FOXP2: variants seen among roughly 807,000 people sequenced by gnomAD.
FOXP2 encodes forkhead box protein P2.
A neutral mutation model predicts 115.8 loss-of-function variants in FOXP2; 12 were observed. That is an observed-to-expected ratio of 0.10 (90% CI 0.07 to 0.17). The LOEUF (loss-of-function observed/expected upper bound fraction) is 0.17. FOXP2 is among the 10% of genes least tolerant of loss of function. The probability of loss-of-function intolerance (pLI) is 1.00; values close to 1 mark genes in which losing one functional copy is unlikely to be tolerated. For synonymous variants in FOXP2, 328 were observed against 297.7 expected (o/e 1.10, Z -1.05); for missense variants, 629 against 843.5 (o/e 0.75, Z 3.15).
chr7:114,275,082 C>A (rs1413395934), intron 1 of FOXP2, among the ~76,000 whole-genome samples: 2 of 151,024 alleles, frequency 1.3e-5, no homozygotes, highest in Admixed American at 6.6e-5. Flanking sequence ...TTTTTCAGGA[C>A]TTTTTTTTTC....
At chr7:114,281,191 T>C (rs1584604641) in intron 1 of FOXP2, among the ~76,000 whole-genome samples, 1 of 126,886 alleles carries the variant, frequency 7.9e-6, no homozygotes, top group African/African-American at 2.9e-5. Flanking sequence ...AACCTCCCCC[T>C]CCCGGGTTTA....
intron 2 of FOXP2, among the ~76,000 whole-genome samples, chr7:114,446,712 C>A (rs988232819): frequency 2.0e-5 from 3 of 151,444 alleles, no homozygotes; most frequent in African/African-American, 7.3e-5. Flanking sequence ...TCATATCCCC[C>A]GCAATGTTTT....
At chr7:114,106,519 T>C (rs1400552060) in intron 1 of FOXP2, among the ~76,000 whole-genome samples, 2 of 151,960 alleles carry the variant, frequency 1.3e-5, no homozygotes, top group African/African-American at 4.8e-5. Context: ...GAAAGGGAAA[T>C]AGCAATTTAC....
intron 1 of FOXP2, among the ~76,000 whole-genome samples, chr7:114,104,077 G>C (rs116943622): frequency 0.011 from 1,678 of 151,808 alleles, 86 homozygotes; most frequent in Admixed American, 0.086. Flanking sequence ...CGTAGGTCTA[G>C]GTGGTTGCCA....
At chr7:114,453,878 T>C (rs1795173633) in intron 2 of FOXP2, among the ~76,000 whole-genome samples, 1 of 152,020 alleles carries the variant, frequency 6.6e-6, no homozygotes, top group Non-Finnish European at 1.5e-5. Context: ...CAAGATGGAT[T>C]AAAGATTTAA....
In FOXP2 at chr7:114,551,335, T is replaced by C. The variant is rs1053940371; in HGVS notation, c.258+16629T>C. Among the ~76,000 whole-genome samples the C allele has an allele frequency of 3.3e-5, 5 of 152,178 alleles. No homozygotes were observed. In the South Asian group the frequency reaches 1.0e-3, roughly 32 times the overall value. On this transcript the variant is annotated intron_variant, in intron 3 of 16. Transcript: ENST00000350908. ...TCAGGGAGTTGACAATCTGGCTAGA[T>C]AAAAATTCAGAATAATAACCATTCT... is the stretch of plus-strand genomic sequence containing the variant.
At chr7:114,514,228 G>A (rs1378471609) in intron 2 of FOXP2, among the ~76,000 whole-genome samples, 2 of 151,778 alleles carry the variant, frequency 1.3e-5, no homozygotes, top group Non-Finnish European at 2.9e-5. Context: ...GAATTAATAT[G>A]TATTTTACCT....
chr7:114,349,072 T>C (rs1402013565), intron 2 of FOXP2, among the ~76,000 whole-genome samples: 2 of 152,126 alleles, frequency 1.3e-5, no homozygotes, highest in Non-Finnish European at 2.9e-5. Flanking sequence ...AAGATACTAT[T>C]GTAGAGGCAG....
rs58729874 is a variant in FOXP2, at chr7:114,549,788, T to TA, written c.258+15091dup. On this transcript the variant is annotated intron_variant, in intron 3 of 16. Coordinates refer to ENST00000350908, the MANE Select transcript of FOXP2 (RefSeq NM_014491.4). ...TGCCATTGGATTTTGTCTTTCAAAT[T>TA]AAAAAAAAATAGTATAATAAACCTT... 3.6e-3 allele frequency among the ~76,000 whole-genome samples: 537 copies of TA among 151,232 alleles called. 6 individuals are homozygous for TA. Among genetic ancestry groups the TA allele is most frequent in the African/African-American group, 0.012 (486 of 41,276 alleles).
intron 1 of FOXP2, among the ~76,000 whole-genome samples, chr7:114,130,544 A>G (rs2129145164): frequency 6.6e-6 from 1 of 152,350 alleles, no homozygotes; most frequent in South Asian, 2.1e-4. Context: ...AAATGAAACA[A>G]AATTCCTAGT....
In FOXP2 at chr7:114,663,411, T is replaced by C. The variant is rs780752306; in HGVS notation, c.1770-39T>C. 8.6e-6 allele frequency: 12 copies of C among 1,394,866 alleles called. No homozygotes were observed. In the South Asian group the frequency reaches 1.2e-4, roughly 13 times the overall value. The allele number at this position is 1,394,866 out of a possible 1,614,324, so 86.4% of individuals were successfully genotyped here. On this transcript the variant is annotated intron_variant, in intron 14 of 16. Coordinates refer to ENST00000350908, the MANE Select transcript of FOXP2 (RefSeq NM_014491.4). ...GACTATTGATATCCACGTTTTATAT[T>C]TTGACGTATAAATGATCTTTATATA...
intron 1 of FOXP2, among the ~76,000 whole-genome samples, chr7:114,417,005 G>A (rs1257619207): frequency 1.3e-5 from 2 of 151,850 alleles, no homozygotes; most frequent in African/African-American, 2.4e-5. Flanking sequence ...TGTAAAAGGT[G>A]GATAGATAAT....
intron 10 of FOXP2, among the ~76,000 whole-genome samples, chr7:114,657,172 T>C (rs760796604): frequency 3.9e-5 from 6 of 152,156 alleles, no homozygotes; most frequent in Non-Finnish European, 5.9e-5. Flanking sequence ...AGATGTGTGG[T>C]AAATATGACA....
chr7:114,092,689 C>A (rs969792614), intron 1 of FOXP2, among the ~76,000 whole-genome samples: 3 of 151,986 alleles, frequency 2.0e-5, no homozygotes, highest in Non-Finnish European at 4.4e-5. Context: ...TGTAGACTGT[C>A]ATAAAATCAT....
At chr7:114,328,182 G>T (rs1237101956) in intron 2 of FOXP2, among the ~76,000 whole-genome samples, 1 of 150,642 alleles carries the variant, frequency 6.6e-6, no homozygotes, top group Non-Finnish European at 1.5e-5. Context: ...GCCTCCCAAA[G>T]TGCTGAGATT....
At chr7:114,570,334 G>T (rs546158830) in intron 3 of FOXP2, among the ~76,000 whole-genome samples, 1 of 151,780 alleles carries the variant, frequency 6.6e-6, no homozygotes, top group Non-Finnish European at 1.5e-5. Flanking sequence ...TATTGTGATT[G>T]TTCTCACATG....
intron 1 of FOXP2, among the ~76,000 whole-genome samples, chr7:114,257,644 AG>A (rs1398663559): frequency 2.6e-5 from 4 of 151,798 alleles, no homozygotes; most frequent in Non-Finnish European, 4.4e-5. Flanking sequence ...TAGTAGAGAC[AG>A]GGTTTCACTG....
intron 1 of FOXP2, among the ~76,000 whole-genome samples, chr7:114,188,232 A>G (rs1344330301): frequency 2.0e-5 from 3 of 152,224 alleles, no homozygotes; most frequent in South Asian, 4.1e-4. Context: ...TATTTGGAAT[A>G]AAATACGAAC....
At chr7:114,687,977 G>GAC (rs1385589761) in intron 16 of FOXP2, among the ~76,000 whole-genome samples, 1 of 151,766 alleles carries the variant, frequency 6.6e-6, no homozygotes, top group Non-Finnish European at 1.5e-5. Flanking sequence ...AAACTAAGAA[G>GAC]ACACACACAC....
Sources: gnomAD v4.1 joint callset for allele counts (sites outside exome capture counted in the v4.1 genomes callset) on GRCh38, gnomAD v4.1.1 for gene constraint, MANE v1.5 for transcripts, NCBI Gene and HGNC (gene_info 2026-07-23, HGNC 2026-07-21) for gene names.